Variants in PPARGC1A observed in about 807,000 individuals in gnomAD.
PPARGC1A encodes peroxisome proliferator-activated receptor gamma coactivator 1-alpha.
PPARGC1A carries 25 observed loss-of-function variants against 88.7 expected under a neutral mutation model. That is an observed-to-expected ratio of 0.28 (90% CI 0.21 to 0.39). The LOEUF (loss-of-function observed/expected upper bound fraction) is 0.39. PPARGC1A is among the 10% of genes least tolerant of loss of function. The pLI is 1.00. For synonymous variants in PPARGC1A, 363 were observed against 355.6 expected (o/e 1.02, Z -0.24); for missense variants, 880 against 968.7 (o/e 0.91, Z 1.22).
chr4:24,388,275 A>G, the PPARGC1A span, among the ~76,000 whole-genome samples: 6 of 152,210 alleles, frequency 3.9e-5, no homozygotes, highest in Non-Finnish European at 5.9e-5. Flanking sequence ...ATAAGATACC[A>G]TCTCACACCA....
At chr4:23,844,969 G>A (rs932033875) in intron 2 of PPARGC1A, among the ~76,000 whole-genome samples, 1 of 149,410 alleles carries the variant, frequency 6.7e-6, no homozygotes, top group Non-Finnish European at 1.5e-5. Context: ...TTCTAGACAG[G>A]GAAAAGAGTA....
the PPARGC1A span, among the ~76,000 whole-genome samples, chr4:24,317,137 C>A: frequency 6.6e-6 from 1 of 152,080 alleles, no homozygotes; most frequent in East Asian, 1.9e-4. Flanking sequence ...GTAAGCAGCT[C>A]ACTCATGGTT....
intron 2 of PPARGC1A, among the ~76,000 whole-genome samples, chr4:23,839,506 A>G (rs1726663793): frequency 6.6e-6 from 1 of 152,170 alleles, no homozygotes. Context: ...GAAGAAGTCC[A>G]GACTGGAAGT....
At chr4:23,977,366 G>T in the PPARGC1A span, among the ~76,000 whole-genome samples, 2 of 152,120 alleles carry the variant, frequency 1.3e-5, no homozygotes, top group Non-Finnish European at 2.9e-5. Context: ...AAAGCAAAAT[G>T]ATATTTTAAG....
chr4:24,035,578 A>G, the PPARGC1A span, among the ~76,000 whole-genome samples: 2 of 151,644 alleles, frequency 1.3e-5, no homozygotes, highest in Admixed American at 1.3e-4. Flanking sequence ...AATAAAAAAT[A>G]AAATAAAAAT....
chr4:24,238,191 C>G, the PPARGC1A span, among the ~76,000 whole-genome samples: 1 of 152,158 alleles, frequency 6.6e-6, no homozygotes, highest in Non-Finnish European at 1.5e-5. Context: ...AATTCCAGAG[C>G]CTCATCTCTA....
At chr4:23,923,512 C>A in the PPARGC1A span, among the ~76,000 whole-genome samples, 1 of 151,742 alleles carries the variant, frequency 6.6e-6, no homozygotes, top group African/African-American at 2.4e-5. Context: ...GTGGTCCTTA[C>A]AAGGAATTCA....
the PPARGC1A span, among the ~76,000 whole-genome samples, chr4:24,072,843 G>A: frequency 6.6e-6 from 1 of 152,070 alleles, no homozygotes; most frequent in Non-Finnish European, 1.5e-5. Context: ...CTAATTTTAT[G>A]TACATATATT....
chr4:24,003,152 G>A, the PPARGC1A span, among the ~76,000 whole-genome samples: 1 of 152,048 alleles, frequency 6.6e-6, no homozygotes, highest in Admixed American at 6.5e-5. Context: ...AAGAACCAGG[G>A]AGGTGGATGT....
chr4:24,257,897 A>G, the PPARGC1A span, among the ~76,000 whole-genome samples: 3 of 152,236 alleles, frequency 2.0e-5, no homozygotes, highest in African/African-American at 7.2e-5. Flanking sequence ...CCTTATATTT[A>G]TATCCATGGT....
At chr4:24,030,223 T>C in the PPARGC1A span, among the ~76,000 whole-genome samples, 3 of 152,304 alleles carry the variant, frequency 2.0e-5, no homozygotes, top group Non-Finnish European at 4.4e-5. Context: ...GAACTTTTGA[T>C]TTCAACGAGG....
the PPARGC1A span, among the ~76,000 whole-genome samples, chr4:24,330,702 C>A: frequency 6.6e-6 from 1 of 152,170 alleles, no homozygotes; most frequent in Admixed American, 6.5e-5. Flanking sequence ...ACTATTATGA[C>A]CCTGGCTTTA....
the PPARGC1A span, among the ~76,000 whole-genome samples, chr4:24,368,760 A>T: frequency 5.3e-5 from 8 of 152,188 alleles, no homozygotes; most frequent in African/African-American, 1.9e-4. Flanking sequence ...AGGTAGTTGA[A>T]ACCTAGCATG....
the PPARGC1A span, among the ~76,000 whole-genome samples, chr4:24,308,746 G>A: frequency 1.3e-5 from 2 of 152,120 alleles, no homozygotes; most frequent in Non-Finnish European, 2.9e-5. Context: ...AAATAAAAGA[G>A]AGGGAAGTTT....
the PPARGC1A span, among the ~76,000 whole-genome samples, chr4:23,949,691 C>T: frequency 6.6e-6 from 1 of 152,124 alleles, no homozygotes; most frequent in African/African-American, 2.4e-5. Context: ...TCCTCTAGAA[C>T]CTACATTGTG....
the PPARGC1A span, among the ~76,000 whole-genome samples, chr4:24,131,794 G>A: frequency 3.9e-5 from 6 of 152,104 alleles, no homozygotes; most frequent in Non-Finnish European, 8.8e-5. Flanking sequence ...AGATCAGAAA[G>A]GAAGCTGACT....
chr4:23,983,814 C>A, the PPARGC1A span, among the ~76,000 whole-genome samples: 1 of 151,932 alleles, frequency 6.6e-6, no homozygotes, highest in Admixed American at 6.6e-5. Context: ...CTTTAGCTAA[C>A]CCCACACCAC....
At chr4:23,912,746 T>C in the PPARGC1A span, among the ~76,000 whole-genome samples, 2 of 151,800 alleles carry the variant, frequency 1.3e-5, no homozygotes, top group Non-Finnish European at 2.9e-5. Flanking sequence ...CAGCCTGCCC[T>C]ACCAATTGTA....
the PPARGC1A span, among the ~76,000 whole-genome samples, chr4:24,202,529 G>A: frequency 2.0e-5 from 3 of 152,176 alleles, no homozygotes; most frequent in African/African-American, 7.2e-5. Context: ...AGCTGACAAA[G>A]TGACATCTTC....
Sources: allele counts gnomAD v4.1 joint callset (sites outside exome capture counted in the v4.1 genomes callset), GRCh38; gene constraint gnomAD v4.1.1; transcripts MANE v1.5; gene names NCBI Gene and HGNC (gene_info 2026-07-23, HGNC 2026-07-21).